KDM4C: variants seen among roughly 807,000 people sequenced by gnomAD.
KDM4C encodes lysine-specific demethylase 4C.
Under a neutral mutation model 129.3 loss-of-function variants are expected in KDM4C, and 81 were observed. The observed-to-expected ratio is 0.63, with a 90% confidence interval of 0.52 to 0.75. The LOEUF (loss-of-function observed/expected upper bound fraction) is 0.75, where lower values mean the gene tolerates loss of function less well. KDM4C is among the 30% of genes least tolerant of loss of function. The probability of loss-of-function intolerance (pLI) is 0.00; values close to 1 mark genes in which losing one functional copy is unlikely to be tolerated. For synonymous variants in KDM4C, 573 were observed against 456.1 expected (o/e 1.26, Z -3.26); for missense variants, 1,457 against 1,304.0 (o/e 1.12, Z -1.81).
At chr9:6,778,936 G>A (rs113953116) in intron 1 of KDM4C, among the ~76,000 whole-genome samples, 11,543 of 151,002 alleles carry the variant, frequency 0.076, 625 homozygotes, top group South Asian at 0.23. Flanking sequence ...TGGCCAAGCT[G>A]GTCTTTAACT....
At chr9:6,994,914 C>G (rs779777622) in intron 12 of KDM4C, among the ~76,000 whole-genome samples, 2 of 152,156 alleles carry the variant, frequency 1.3e-5, no homozygotes, top group Non-Finnish European at 2.9e-5. Context: ...ATGCAGCTGA[C>G]CCATTGTAGA....
intron 19 of KDM4C, among the ~76,000 whole-genome samples, chr9:7,137,746 C>A (rs1266951220): frequency 6.6e-6 from 1 of 152,180 alleles, no homozygotes; most frequent in African/African-American, 2.4e-5. Flanking sequence ...TGTTTACAAG[C>A]CATTATCTTT....
chr9:7,137,353 A>G (rs756620509), intron 19 of KDM4C, among the ~76,000 whole-genome samples: 1 of 152,216 alleles, frequency 6.6e-6, no homozygotes, highest in Non-Finnish European at 1.5e-5. Flanking sequence ...AAATATAAAC[A>G]TTATGAAAAT....
intron 1 of KDM4C, chr9:6,734,953 G>C (rs1563917141): frequency 7.0e-6 from 4 of 572,200 alleles, no homozygotes; most frequent in South Asian, 5.5e-5. Context: ...GGATCTATAT[G>C]TCTGTCTAAC....
At chr9:7,114,350 C>G (rs1838661366) in intron 18 of KDM4C, among the ~76,000 whole-genome samples, 1 of 152,168 alleles carries the variant, frequency 6.6e-6, no homozygotes, top group Admixed American at 6.5e-5. Flanking sequence ...AAAATTTTAT[C>G]TGTTCTGATA....
intron 17 of KDM4C, among the ~76,000 whole-genome samples, chr9:7,078,338 C>G (rs897747356): frequency 9.9e-5 from 15 of 151,056 alleles, no homozygotes; most frequent in African/African-American, 3.6e-4. Context: ...CCTAGTGACC[C>G]CAGTAGGAAG....
At chr9:7,160,415 T>C (rs750045436) in intron 19 of KDM4C, among the ~76,000 whole-genome samples, 4 of 152,230 alleles carry the variant, frequency 2.6e-5, no homozygotes, top group Non-Finnish European at 5.9e-5. Context: ...GGTGCTCTGA[T>C]TTTTAGAATT....
intron 15 of KDM4C, among the ~76,000 whole-genome samples, chr9:7,034,549 A>G (rs1381387355): frequency 1.3e-5 from 2 of 152,162 alleles, no homozygotes; most frequent in African/African-American, 4.8e-5. Context: ...TGGTGTATAC[A>G]TGCCACATTT....
chr9:6,930,697 C>CATT (rs78013588), intron 8 of KDM4C, among the ~76,000 whole-genome samples: 95,965 of 147,344 alleles, frequency 0.65, 31,615 homozygotes, highest in Middle Eastern at 0.71. Flanking sequence ...TAATTATTAA[C>CATT]ATATCATATG....
chr9:6,860,720 T>C (rs1426048127), intron 5 of KDM4C, among the ~76,000 whole-genome samples: 4 of 152,260 alleles, frequency 2.6e-5, no homozygotes, highest in Admixed American at 6.5e-5. Context: ...CTTGCAGTAG[T>C]ACAGAGCAAA....
At chr9:6,991,001 G>T (rs1169103671) in intron 12 of KDM4C, among the ~76,000 whole-genome samples, 1 of 151,956 alleles carries the variant, frequency 6.6e-6, no homozygotes, top group Non-Finnish European at 1.5e-5. Context: ...TCACTAGATC[G>T]CTGTGATGCA....
chr9:6,770,029 A>G (rs1266695287), intron 1 of KDM4C, among the ~76,000 whole-genome samples: 4 of 152,166 alleles, frequency 2.6e-5, no homozygotes, highest in East Asian at 1.9e-4. Flanking sequence ...TAATACAAAA[A>G]TTAGCCGGGC....
chr9:6,740,078 CG>C (rs1817637266), intron 1 of KDM4C, among the ~76,000 whole-genome samples: 1 of 151,278 alleles, frequency 6.6e-6, no homozygotes, highest in Admixed American at 6.6e-5. Context: ...TTAGTAGAGA[CG>C]GGATTTCACC....
chr9:6,818,316 C>T (rs1431704233), intron 4 of KDM4C, among the ~76,000 whole-genome samples: 1 of 152,100 alleles, frequency 6.6e-6, no homozygotes, highest in Non-Finnish European at 1.5e-5. Context: ...GATTTTTGTT[C>T]GTTTCAGTTT....
intron 1 of KDM4C, among the ~76,000 whole-genome samples, chr9:6,784,652 A>G (rs1563997775): frequency 6.6e-6 from 1 of 152,252 alleles, no homozygotes; most frequent in Non-Finnish European, 1.5e-5. Flanking sequence ...CCCTGGCCTC[A>G]GCAGGCAGGT....
intron 1 of KDM4C, among the ~76,000 whole-genome samples, chr9:6,775,691 T>G (rs1030575447): frequency 4.6e-5 from 7 of 151,790 alleles, no homozygotes; most frequent in African/African-American, 1.7e-4. Context: ...CCTGGCTAAT[T>G]TTGCATTTTT....
chr9:6,834,473 T>A (rs1266839597), intron 4 of KDM4C: 18 of 558,006 alleles, frequency 3.2e-5, no homozygotes, highest in Non-Finnish European at 5.5e-5. Context: ...ATGATATTGC[T>A]ACGCCCGTCG....
intron 8 of KDM4C, among the ~76,000 whole-genome samples, chr9:6,918,585 G>C (rs1009842703): frequency 5.9e-5 from 9 of 152,128 alleles, no homozygotes; most frequent in Non-Finnish European, 1.2e-4. Context: ...AGTTCTTAGA[G>C]AAATCTCCAA....
intron 1 of KDM4C, among the ~76,000 whole-genome samples, chr9:6,773,973 C>G (rs527564650): frequency 6.6e-6 from 1 of 151,780 alleles, no homozygotes; most frequent in East Asian, 1.9e-4. Flanking sequence ...CTGCAAACTC[C>G]GCCTCCCGAG....
Sources: gnomAD v4.1 joint callset for allele counts (sites outside exome capture counted in the v4.1 genomes callset) on GRCh38, gnomAD v4.1.1 for gene constraint, MANE v1.5 for transcripts, NCBI Gene and HGNC (gene_info 2026-07-23, HGNC 2026-07-21) for gene names.